Variants in PIGK observed in about 807,000 individuals in gnomAD.
The protein encoded by PIGK is phosphatidylinositol glycan anchor biosynthesis class K, also known as GPI-anchor transamidase.
PIGK carries 42 observed loss-of-function variants against 50.6 expected under a neutral mutation model. The ratio of observed to expected loss-of-function variants is 0.83; its 90% confidence interval spans 0.65 to 1.07. The LOEUF (loss-of-function observed/expected upper bound fraction) is 1.07, where lower values mean the gene tolerates loss of function less well. Among genes scored for constraint, PIGK ranks in the 50% least tolerant of loss-of-function variants. PIGK has a pLI of 0.00. For missense variants in PIGK, 448 were observed against 488.7 expected (o/e 0.92, Z 0.78); for synonymous variants, 151 against 156.0 (o/e 0.97, Z 0.24).
chr1:77,105,459 T>A (rs1653647825), intron 10 of PIGK, among the ~76,000 whole-genome samples: 1 of 151,912 alleles, frequency 6.6e-6, no homozygotes, highest in Admixed American at 6.6e-5. Flanking sequence ...TGCCTAGAAT[T>A]TCTCGGTCTC....
At chr1:77,205,267 A>G (rs1656262904) in intron 3 of PIGK, among the ~76,000 whole-genome samples, 1 of 152,008 alleles carries the variant, frequency 6.6e-6, no homozygotes, top group Admixed American at 6.6e-5. Flanking sequence ...AAAGCTAACT[A>G]CATAGGCCTA....
chr1:77,117,578 C>T (rs1254084200), intron 10 of PIGK, among the ~76,000 whole-genome samples: 2 of 152,092 alleles, frequency 1.3e-5, no homozygotes, highest in Non-Finnish European at 2.9e-5. Context: ...CTCTGAGGTG[C>T]CTGGTACCTA....
chr1:77,103,502 C>A (rs1653596011), intron 10 of PIGK, among the ~76,000 whole-genome samples: 1 of 152,158 alleles, frequency 6.6e-6, no homozygotes, highest in Non-Finnish European at 1.5e-5. Flanking sequence ...ATTAGAAAGT[C>A]AGACAAAAGG....
chr1:77,149,656 ACTT>A (rs923901410), intron 9 of PIGK, among the ~76,000 whole-genome samples: 1 of 152,152 alleles, frequency 6.6e-6, no homozygotes, highest in African/African-American at 2.4e-5. Flanking sequence ...ATAGTATAGC[ACTT>A]CAACACCCCA....
At chr1:77,132,397 G>GT (rs1654396787) in intron 9 of PIGK, among the ~76,000 whole-genome samples, 1 of 151,270 alleles carries the variant, frequency 6.6e-6, no homozygotes, top group African/African-American at 2.4e-5. Flanking sequence ...TACCATTATC[G>GT]TAACAATTAC....
intron 3 of PIGK, 57 bp from the exon 4 acceptor site, chr1:77,169,452 C>T: frequency 7.2e-7 from 1 of 1,386,992 alleles, no homozygotes; most frequent in Non-Finnish European, 9.9e-7. Context: ...AAGTTAAACA[C>T]AAATTTATTT....
chr1:77,143,318 T>G (rs1654697476), intron 9 of PIGK, among the ~76,000 whole-genome samples: 1 of 152,298 alleles, frequency 6.6e-6, no homozygotes, highest in African/African-American at 2.4e-5. Flanking sequence ...AAGTATCTGA[T>G]AGATTCATCT....
intron 10 of PIGK, among the ~76,000 whole-genome samples, chr1:77,103,482 A>T (rs972872241): frequency 1.3e-5 from 2 of 152,236 alleles, no homozygotes; most frequent in African/African-American, 4.8e-5. Context: ...TTATCTGCCC[A>T]TCTTGAACAA....
At chr1:77,168,609 G>A (rs1468739561) in intron 4 of PIGK, among the ~76,000 whole-genome samples, 3 of 119,220 alleles carry the variant, frequency 2.5e-5, no homozygotes, top group Non-Finnish European at 4.9e-5. Context: ...TTACAGTCTA[G>A]GAGGAGATAG....
At chr1:77,164,228 G>A (rs1051113633) in intron 5 of PIGK, among the ~76,000 whole-genome samples, 20 of 152,194 alleles carry the variant, frequency 1.3e-4, no homozygotes, top group Non-Finnish European at 2.6e-4. Flanking sequence ...TATCAGAAAT[G>A]AGTTTCCATT....
intron 5 of PIGK, among the ~76,000 whole-genome samples, chr1:77,165,727 T>C (rs1008370536): frequency 6.6e-5 from 10 of 151,734 alleles, no homozygotes; most frequent in Non-Finnish European, 1.0e-4. Context: ...AAACTAAAAA[T>C]TAACATGGGC....
At chr1:77,115,677 G>C (rs868499263) in intron 10 of PIGK, among the ~76,000 whole-genome samples, 3 of 152,126 alleles carry the variant, frequency 2.0e-5, no homozygotes, top group African/African-American at 4.8e-5. Flanking sequence ...ACAAAGAACA[G>C]ATGAAACAAG....
rs116084635 is a variant in PIGK, at chr1:77,150,996, C to T, written c.986+3453G>A. 1.5e-3 allele frequency among the ~76,000 whole-genome samples: 222 copies of T among 152,204 alleles called. 1 individual carries two copies. The highest frequency in any genetic ancestry group is 2.5e-3 in the Non-Finnish European group (169 of 68,000). ...AATACTTCCAAATTCATCTATGAGGCTAGCATTACCCTGATAACAAAACCA... is the reference window on the plus strand; with the variant it reads ...AATACTTCCAAATTCATCTATGAGGTTAGCATTACCCTGATAACAAAACCA... On this transcript the variant is annotated intron_variant, in intron 9 of 10. Transcript: ENST00000370812.
chr1:77,171,094 A>G (rs1456875322), intron 3 of PIGK, among the ~76,000 whole-genome samples: 1 of 152,118 alleles, frequency 6.6e-6, no homozygotes, highest in African/African-American at 2.4e-5. Flanking sequence ...TCAATCATAT[A>G]TTCCTTTGTT....
At chr1:77,118,956 C>G (rs371346587) in intron 10 of PIGK, among the ~76,000 whole-genome samples, 1 of 152,122 alleles carries the variant, frequency 6.6e-6, no homozygotes, top group Non-Finnish European at 1.5e-5. Context: ...AAAGTTATTA[C>G]GCATATAAAT....
In PIGK at chr1:77,129,698, G is replaced by T. The variant is rs1291172064; in HGVS notation, c.987-7339C>A. The stretch of plus-strand genomic sequence containing the variant: ...AGCATTAAAATAAATGTAATTAAAA[G>T]GAAAAATAAAAAATAAAAATAAATA... On this transcript the variant is annotated intron_variant, in intron 9 of 10. Coordinates refer to ENST00000370812, the MANE Select transcript of PIGK (RefSeq NM_005482.3). 8.9e-6 allele frequency: 10 copies of T among 1,128,356 alleles called. No homozygotes were observed. In the East Asian group the frequency reaches 2.0e-4, roughly 23 times the overall value. The allele number at this position is 1,128,356 out of a possible 1,614,324, so 69.9% of individuals were successfully genotyped here.
At chr1:77,188,866 C>G (rs1399238484) in intron 3 of PIGK, among the ~76,000 whole-genome samples, 5 of 152,006 alleles carry the variant, frequency 3.3e-5, no homozygotes, top group Non-Finnish European at 7.4e-5. Flanking sequence ...AGTCACCCCA[C>G]TAGGAAAAAA....
At chr1:77,173,706 G>A (rs1266216676) in intron 3 of PIGK, among the ~76,000 whole-genome samples, 2 of 152,224 alleles carry the variant, frequency 1.3e-5, no homozygotes, top group Admixed American at 1.3e-4. Context: ...CTTTCTGTAT[G>A]GTTCTGTTAT....
rs1208518419 is a variant in PIGK at position 77,202,535 on chromosome 1, C to T, written c.239+4105G>A. ...GCGTAAGAGACTGAAACTGAAAGAT[C>T]AGAATGTCAGATTTGGAATCAGACT... On this transcript the variant is annotated intron_variant, in intron 3 of 10. Transcript: ENST00000370812. 3.3e-5 allele frequency among the ~76,000 whole-genome samples: 5 copies of T among 152,202 alleles called. No homozygotes were observed. The East Asian group carries it at 7.7e-4, about 23-fold the overall frequency.
Sources: gnomAD v4.1 joint callset for allele counts (sites outside exome capture counted in the v4.1 genomes callset) on GRCh38, gnomAD v4.1.1 for gene constraint, MANE v1.5 for transcripts, NCBI Gene and HGNC (gene_info 2026-07-23, HGNC 2026-07-21) for gene names.